Variants in MID2 observed in about 807,000 individuals in gnomAD.
MID2 encodes the protein probable E3 ubiquitin-protein ligase MID2.
A neutral mutation model predicts 46.1 loss-of-function variants in MID2; 13 were observed. The ratio of observed to expected loss-of-function variants is 0.28; its 90% CI spans 0.18 to 0.45. The LOEUF (loss-of-function observed/expected upper bound fraction) is 0.45. MID2 is among the 20% of genes least tolerant of loss of function. MID2 has a pLI of 1.00. For synonymous variants in MID2, 199 were observed against 212.3 expected (o/e 0.94, Z 0.55); for missense variants, 431 against 575.4 (o/e 0.75, Z 2.57).
At chrX:107,898,318 A>C (rs185451419) in intron 3 of MID2, among the ~76,000 whole-genome samples, 5 of 111,743 alleles carry the variant, frequency 4.5e-5, no homozygotes, top group Non-Finnish European at 7.5e-5. Context: ...ATCTGCTTTA[A>C]CCAAGCACGT....
chrX:107,827,932 C>T (rs768721724), intron 1 of MID2, among the ~76,000 whole-genome samples: 6 of 112,435 alleles, frequency 5.3e-5, no homozygotes, highest in African/African-American at 1.9e-4. Context: ...GGATATTTAT[C>T]CCTGCCCAAA....
At chrX:107,899,097 T>C (rs749458474) in intron 3 of MID2, among the ~76,000 whole-genome samples, 2 of 108,918 alleles carry the variant, frequency 1.8e-5, no homozygotes, top group Admixed American at 9.9e-5. Flanking sequence ...TGGGAGTGGG[T>C]TGGAGGGAAG....
At chrX:107,849,080 A>G (rs779307103) in intron 2 of MID2, among the ~76,000 whole-genome samples, 2 of 112,269 alleles carry the variant, frequency 1.8e-5, no homozygotes, top group South Asian at 7.5e-4. Context: ...TCCTATGCTC[A>G]CCCCAAGGTT....
intron 3 of MID2, among the ~76,000 whole-genome samples, chrX:107,902,158 G>A (rs764466181): frequency 2.7e-5 from 3 of 111,677 alleles, no homozygotes; most frequent in South Asian, 3.8e-4. Context: ...TCTGTCAAAT[G>A]TAGATAAAGG....
At chrX:107,826,939 C>T (rs1260969872) in intron 1 of MID2, among the ~76,000 whole-genome samples, 1 of 113,119 alleles carries the variant, frequency 8.8e-6, no homozygotes, top group Non-Finnish European at 1.9e-5. Context: ...AACTTAATCC[C>T]TTTTCTGCCA....
chrX:107,917,774 A>G (rs368965006), intron 7 of MID2, 35 bp downstream of exon 7: 3 of 1,137,147 alleles, frequency 2.6e-6, no homozygotes, highest in African/African-American at 1.8e-5. Flanking sequence ...GTTGTTTAGT[A>G]TAGTGTTTCA....
chrX:107,923,845 CA>C (rs1201683225), intron 7 of MID2, among the ~76,000 whole-genome samples: 1 of 111,844 alleles, frequency 8.9e-6, no homozygotes, highest in Admixed American at 9.5e-5. Flanking sequence ...TGGCCTTGGG[CA>C]GGTCACTTTT....
intron 3 of MID2, among the ~76,000 whole-genome samples, chrX:107,869,672 C>T (rs891955084): frequency 9.0e-6 from 1 of 111,008 alleles, no homozygotes; most frequent in Non-Finnish European, 1.9e-5. Flanking sequence ...AGGTACAGTA[C>T]ATTTTTTTGT....
chrX:107,871,464 G>A (rs368363042), intron 3 of MID2, among the ~76,000 whole-genome samples: 19 of 112,024 alleles, frequency 1.7e-4, no homozygotes, highest in African/African-American at 5.8e-4. Flanking sequence ...TCCAGAAAGA[G>A]TGTTACAGTC....
chrX:107,867,716 T>TA (rs1160275407), intron 3 of MID2, among the ~76,000 whole-genome samples: 2 of 111,413 alleles, frequency 1.8e-5, no homozygotes, highest in Non-Finnish European at 1.9e-5. Flanking sequence ...GAGGTAAATA[T>TA]AGGGGATGTG....
intron 3 of MID2, among the ~76,000 whole-genome samples, chrX:107,896,882 G>A (rs1372939632): frequency 9.1e-6 from 1 of 110,205 alleles, no homozygotes; most frequent in Admixed American, 9.7e-5. Flanking sequence ...AGACTGCCTG[G>A]GTGCAAATCC....
intron 3 of MID2, among the ~76,000 whole-genome samples, chrX:107,860,607 G>A (rs943670661): frequency 1.8e-5 from 2 of 112,281 alleles, no homozygotes; most frequent in African/African-American, 6.5e-5. Flanking sequence ...ATAGAAAGAC[G>A]GTGTTGCTTT....
intron 3 of MID2, among the ~76,000 whole-genome samples, chrX:107,883,615 T>TATTTTTATACCAAATCC (rs1476608871): frequency 1.8e-5 from 2 of 112,475 alleles, no homozygotes; most frequent in Non-Finnish European, 3.8e-5. Flanking sequence ...TGGCATAGCT[T>TATTTTTATACCAAATCC]ATTTTTATAC....
chrX:107,826,449 C>T lies in MID2; in HGVS notation c.4+19C>T. The T allele has an allele frequency of 8.8e-7, 1 of 1,134,285 alleles. No individual in the cohort carries two copies. The highest frequency in any genetic ancestry group is 3.7e-5 in the East Asian group (1 of 26,711). 93.5% of individuals were successfully genotyped at this position (1,134,285 alleles called of 1,213,427 possible). A position where few individuals can be genotyped will look rare whatever the true frequency, so the allele number is the denominator to read the frequency against. On this transcript the variant is annotated intron_variant, in intron 1 of 9. Transcript: ENST00000262843. ...GCTATGGGTAAAACGCGCCCCCTCG[C>T]CGCGGCCCTGGAGGTCGAGCGTCGT...
intron 7 of MID2, among the ~76,000 whole-genome samples, chrX:107,919,489 A>G (rs1470337240): frequency 8.9e-6 from 1 of 111,985 alleles, no homozygotes. Context: ...CTTTCACATA[A>G]CAGTTCTTCA....
intron 3 of MID2, among the ~76,000 whole-genome samples, chrX:107,885,723 T>A (rs1412626836): frequency 9.0e-6 from 1 of 111,639 alleles, no homozygotes; most frequent in East Asian, 2.8e-4. Context: ...GTTGAAAGAG[T>A]TTACAGTCCC....
rs1010697973 is a variant in MID2, at chrX:107,911,154, C to T, written c.1074-4848C>T. ...CAGGTGTGAGCCACCGTGTCTGGCG[C>T]GTTGTGGACTTTTTGTCATTCATTT... On this transcript the variant is annotated intron_variant, in intron 5 of 9. Transcript: ENST00000262843. Among the ~76,000 whole-genome samples the T allele has an allele frequency of 4.3e-4, 47 of 110,014 alleles. 1 individual carries two copies. The highest frequency in any genetic ancestry group is 7.6e-4 in the Non-Finnish European group (40 of 52,792).
intron 2 of MID2, 60 bp from the exon 3 acceptor site, chrX:107,854,549 A>G: frequency 1.2e-6 from 1 of 846,051 alleles, no homozygotes; most frequent in Non-Finnish European, 1.8e-6. Flanking sequence ...TCTCAAGCTC[A>G]TGGTTCTTTT....
chrX:107,873,132 A>C, intron 3 of MID2, among the ~76,000 whole-genome samples: 1 of 111,679 alleles, frequency 9.0e-6, no homozygotes, highest in Non-Finnish European at 1.9e-5. Flanking sequence ...GGAGGTACTT[A>C]GGGAGTCCAA....
Sources: gnomAD v4.1 joint callset for allele counts (sites outside exome capture counted in the v4.1 genomes callset) on GRCh38, gnomAD v4.1.1 for gene constraint, MANE v1.5 for transcripts, NCBI Gene and HGNC (gene_info 2026-07-23, HGNC 2026-07-21) for gene names.